The following TUBA8 variants were observed in gnomAD, a reference collection of about 807,000 sequenced individuals.
The protein encoded by TUBA8 is tubulin alpha 8.
A neutral mutation model predicts 34.7 loss-of-function variants in TUBA8; 29 were observed. The observed-to-expected ratio is 0.84, with a 90% confidence interval of 0.62 to 1.14. The LOEUF (loss-of-function observed/expected upper bound fraction) is 1.14, where lower values mean the gene tolerates loss of function less well. Among genes scored for constraint, TUBA8 ranks in the 50% most tolerant of loss-of-function variants. The pLI, the probability that TUBA8 is intolerant of heterozygous loss-of-function variation, is 0.00. For synonymous variants in TUBA8, 226 were observed against 231.2 expected, an observed-to-expected ratio of 0.98 and a Z score of 0.21; for missense variants, 541 against 599.2, an observed-to-expected ratio of 0.90 and a Z score of 1.01.
rs1927791392 is a variant in TUBA8 at position 18,111,115 on chromosome 22, C to T, written c.3+247C>T. On this transcript the variant is annotated intron_variant, in intron 1 of 4. Coordinates refer to ENST00000330423, the MANE Select transcript of TUBA8 (RefSeq NM_018943.3). This position sits in a 1 kb window ranked among gnomAD's most constrained non-coding sequence, Gnocchi z 5.1. ...AAGGGACCTAAGGGAGCTTTGCGTG[C>T]AGACGAGGGGGAGGGAGGCCCTGGG... is the stretch of plus-strand genomic sequence containing the variant. 2.5e-5 allele frequency: 15 copies of T among 605,942 alleles called. No homozygotes were observed. Among genetic ancestry groups the T allele is most frequent in the Non-Finnish European group, 4.3e-5 (15 of 349,470 alleles). The allele number at this position is 605,942 out of a possible 1,614,324, so 37.5% of individuals were successfully genotyped here.
chr22:18,131,206 C>A lies in TUBA8; in HGVS notation c.*70C>A. 1.3e-6 allele frequency: 2 copies of A among 1,521,968 alleles called. No homozygotes were observed. Among genetic ancestry groups the A allele is most frequent in the Non-Finnish European group, 1.8e-6 (2 of 1,101,280 alleles). 94.3% of individuals were successfully genotyped at this position (1,521,968 alleles called of 1,614,324 possible). Reference sequence around the variant, plus strand: ...CATTCAAAGCACATGTTCAAGAGAACAGAACACTCTCCCCGCCCCAGCCTG... The same window carrying A: ...CATTCAAAGCACATGTTCAAGAGAAAAGAACACTCTCCCCGCCCCAGCCTG... On this transcript the variant is annotated 3_prime_UTR_variant, in exon 5 of 5. Transcript: ENST00000330423. The surrounding 1 kb of genome is among the most constrained non-coding windows in gnomAD (Gnocchi z 5.3).
At chr22:18,117,600 T>C (rs1387989030) in intron 1 of TUBA8, 1 of 152,014 alleles carries the variant, frequency 6.6e-6, no homozygotes, top group Non-Finnish European at 1.5e-5. Flanking sequence ...GGTGAAACCC[T>C]GTCTGTACTA....
At position 18,124,187 on chromosome 22, in the gene TUBA8, C is replaced by T. The variant is rs1323026456; in HGVS notation, c.258C>T (p.Leu86=). Residue 86 remains leucine, a synonymous_variant, in exon 3 of 5, where the codon CTC becomes CTT. Transcript: ENST00000330423. This position sits in a 1 kb window ranked among gnomAD's most constrained non-coding sequence, Gnocchi z 4.3. ...DEVRAGTYRQ[L]FHPEQLITGK... Reference sequence around the variant, plus strand: ...TTCGGGCAGGAACCTACCGCCAGCTCTTCCATCCAGAGCAGCTGATCACAG... The same window carrying T: ...TTCGGGCAGGAACCTACCGCCAGCTTTTCCATCCAGAGCAGCTGATCACAG... 1.2e-6 allele frequency: 2 copies of T among 1,614,108 alleles called. No individual in the cohort carries two copies. The highest frequency in any genetic ancestry group is 2.7e-5 in the African/African-American group (2 of 74,940).
At chr22:18,117,324 C>T (rs1028832337) in intron 1 of TUBA8, 5 of 152,254 alleles carry the variant, frequency 3.3e-5, no homozygotes, top group Admixed American at 2.0e-4. Context: ...TATGAATACG[C>T]TGAACAAAGC....
chr22:18,116,509 A>G (rs1174295621), intron 1 of TUBA8: 1 of 152,158 alleles, frequency 6.6e-6, no homozygotes, highest in African/African-American at 2.4e-5. Context: ...AAAATAATGG[A>G]GAGGGAATCA....
chr22:18,110,973 G>C lies in TUBA8; in HGVS notation c.3+105G>C, dbSNP rs1013726685. The C allele has an allele frequency of 2.0e-6, 3 of 1,510,496 alleles. No individual in the cohort carries two copies. The African/African-American group carries it at 4.1e-5, about 21-fold the overall frequency. The allele number at this position is 1,510,496 out of a possible 1,614,324, so 93.6% of individuals were successfully genotyped here. The stretch of plus-strand genomic sequence containing the variant: ...GGACCCGTCTTCCTGGAGCCGCAGG[G>C]CTCAAGGCCTTCTGGGGGTGGCAGT... On this transcript the variant is annotated intron_variant, in intron 1 of 4. Coordinates refer to ENST00000330423, the MANE Select transcript of TUBA8 (RefSeq NM_018943.3). The surrounding 1 kb of genome is among the most constrained non-coding windows in gnomAD (Gnocchi z 6.2).
At chr22:18,123,803 A>G in intron 2 of TUBA8, 2 of 328,624 alleles carry the variant, frequency 6.1e-6, no homozygotes, top group South Asian at 5.4e-5. Context: ...TTGAACTCCT[A>G]AGCTCAGGCA....
At chr22:18,122,976 G>C (rs1369784265) in intron 2 of TUBA8, 1 of 151,320 alleles carries the variant, frequency 6.6e-6, no homozygotes, top group Admixed American at 6.6e-5. Flanking sequence ...CAGGCGTGGT[G>C]GTGGGCGCCT....
Position 18,126,804 on chromosome 22 carries a change from A to G in TUBA8, c.826A>G (p.Ile276Val). ...HFPLVTYAPI[I>V]SAEKAYHEQL... ...CCCGCTGGTCACCTACGCGCCCATC[A>G]TCTCTGCCGAGAAAGCCTATCACGA... The change falls in exon 4 of 5, where the codon ATC (isoleucine) becomes GTC (valine). Residue 276 changes from isoleucine (I) to valine (V), a missense_variant. By Grantham distance (29) the Ile-to-Val change is conservative. Transcript: ENST00000330423. The surrounding 1 kb of genome is among the most constrained non-coding windows in gnomAD (Gnocchi z 4.0). 1 of 1,613,724 alleles carries G rather than the reference A, an allele frequency of 6.2e-7. No homozygotes were observed. Among genetic ancestry groups the G allele is most frequent in the Non-Finnish European group, 8.5e-7 (1 of 1,179,872 alleles).
chr22:18,112,496 A>G (rs1420743808), intron 1 of TUBA8: 1 of 152,206 alleles, frequency 6.6e-6, no homozygotes, highest in Non-Finnish European at 1.5e-5. Flanking sequence ...TTGGATCTGA[A>G]TGCCATTGTG....
Position 18,124,072 on chromosome 22 carries a change from AC to A in TUBA8, c.227-83del, listed in dbSNP as rs1348878628. 1 of 1,559,760 alleles carries A rather than the reference AC, an allele frequency of 6.4e-7. No individual in the cohort carries two copies. Among genetic ancestry groups the A allele is most frequent in the Non-Finnish European group, 8.8e-7 (1 of 1,134,858 alleles). ...CATGGAGTTTTATAGGTAGGGGAGA[AC>A]GGAAGGGGTCCTGCGGTAGTGTGGT... On this transcript the variant is annotated intron_variant, in intron 2 of 4. Transcript: ENST00000330423. This position sits in a 1 kb window ranked among gnomAD's most constrained non-coding sequence, Gnocchi z 4.3.
At chr22:18,130,624 G>A in intron 4 of TUBA8, 1 of 573,854 alleles carries the variant, frequency 1.7e-6, no homozygotes. Flanking sequence ...ATGGGTTTTT[G>A]CTCTGTTGCC....
Position 18,126,247 on chromosome 22 carries a change from C to A in TUBA8, c.376-107C>A. 1 of 1,084,868 alleles carries A rather than the reference C, an allele frequency of 9.2e-7. No homozygotes were observed. The highest frequency in any genetic ancestry group is 1.4e-6 in the Non-Finnish European group (1 of 713,082). The allele number at this position is 1,084,868 out of a possible 1,614,324, so 67.2% of individuals were successfully genotyped here. On this transcript the variant is annotated intron_variant, in intron 3 of 4. Transcript: ENST00000330423. The surrounding 1 kb of genome is among the most constrained non-coding windows in gnomAD (Gnocchi z 4.0). ...TTCTTCAAAGCTGTTTTGATTTCAT[C>A]CACAAAAAAATATGAGGCAGACAGA...
At chr22:18,127,249 A>G (rs1160430352) in intron 4 of TUBA8, 3 of 566,690 alleles carry the variant, frequency 5.3e-6, no homozygotes, top group South Asian at 4.8e-5. Flanking sequence ...GTTTGGTGCT[A>G]TTTTAAATTG....
chr22:18,120,646 A>C (rs1176969290), intron 1 of TUBA8: 1 of 152,224 alleles, frequency 6.6e-6, no homozygotes, highest in Non-Finnish European at 1.5e-5. Context: ...TATACCCAGT[A>C]ACAGGATTGC....
At position 18,126,281 on chromosome 22, in the gene TUBA8, T is replaced by G; in HGVS notation, c.376-73T>G. On this transcript the variant is annotated intron_variant, in intron 3 of 4. Transcript: ENST00000330423. The surrounding 1 kb of genome is among the most constrained non-coding windows in gnomAD (Gnocchi z 4.0). Reference sequence around the variant, plus strand: ...AATATGAGGCAGACAGAGTGGGCGGTCTGGCTTTTTTACTGTGGGGTGTTC... The same window carrying G: ...AATATGAGGCAGACAGAGTGGGCGGGCTGGCTTTTTTACTGTGGGGTGTTC... The G allele has an allele frequency of 6.9e-7, 1 of 1,446,726 alleles. No individual in the cohort carries two copies. Among genetic ancestry groups the G allele is most frequent in the Non-Finnish European group, 9.7e-7 (1 of 1,029,740 alleles). The allele number at this position is 1,446,726 out of a possible 1,614,324, so 89.6% of individuals were successfully genotyped here.
chr22:18,113,342 C>A (rs1329047670), intron 1 of TUBA8: 1 of 152,244 alleles, frequency 6.6e-6, no homozygotes, highest in Non-Finnish European at 1.5e-5. Flanking sequence ...CACAGCAGAC[C>A]ATTCCCATCC....
chr22:18,111,635 C>T lies in TUBA8; in HGVS notation c.3+767C>T, dbSNP rs1305965961. 6.6e-6 allele frequency: 1 copy of T among 152,250 alleles called. No homozygotes were observed. The highest frequency in any genetic ancestry group is 1.5e-5 in the Non-Finnish European group (1 of 68,134). The allele number at this position is 152,250 out of a possible 1,614,324, so 9.4% of individuals were successfully genotyped here. A position where few individuals can be genotyped will look rare whatever the true frequency, so the allele number is the denominator to read the frequency against. On this transcript the variant is annotated intron_variant, in intron 1 of 4. Coordinates refer to ENST00000330423, the MANE Select transcript of TUBA8 (RefSeq NM_018943.3). The surrounding 1 kb of genome is among the most constrained non-coding windows in gnomAD (Gnocchi z 5.1). Reference sequence around the variant, plus strand: ...CTCAGTTCCTCTTTCTAGGGTCCCCCTCTCCGCCCCCAGTGCCCCTGGTGG... The same window carrying T: ...CTCAGTTCCTCTTTCTAGGGTCCCCTTCTCCGCCCCCAGTGCCCCTGGTGG...
chr22:18,130,458 T>C (rs1928459602), intron 4 of TUBA8: 1 of 253,454 alleles, frequency 3.9e-6, no homozygotes, highest in East Asian at 8.9e-5. Flanking sequence ...GGTCTTGCTG[T>C]GTCCCTGCCA....
Sources: gnomAD v4.1 joint callset for allele counts on GRCh38, gnomAD v4.1.1 for gene constraint, Gnocchi (gnomAD v3.1) non-coding constraint, MANE v1.5 for transcripts, NCBI Gene and HGNC (gene_info 2026-07-23, HGNC 2026-07-21) for gene names.